Variants in SPHKAP observed in about 807,000 individuals in gnomAD.
SPHKAP encodes the protein A-kinase anchor protein SPHKAP.
In SPHKAP, 67 loss-of-function variants were observed where a neutral mutation model predicts 137.5. The observed-to-expected ratio is 0.49, with a 90% CI of 0.40 to 0.60. SPHKAP has a LOEUF of 0.60. Ranked by LOEUF, SPHKAP falls within the 20% of genes least tolerant of loss-of-function variation. The pLI, the probability that SPHKAP is intolerant of heterozygous loss-of-function variation, is 0.00. For synonymous variants in SPHKAP, 813 were observed against 785.3 expected, an observed-to-expected ratio of 1.04 and a Z score of -0.59; for missense variants, 2,097 against 2,069.3, an observed-to-expected ratio of 1.01 and a Z score of -0.26.
intron 3 of SPHKAP, among the ~76,000 whole-genome samples, chr2:228,036,998 C>T (rs1695640666): frequency 6.6e-6 from 1 of 151,992 alleles, no homozygotes; most frequent in East Asian, 1.9e-4. Context: ...CAAACCTGCA[C>T]ATTGTGCGCA....
At chr2:227,984,315 A>G (rs566695702) in intron 11 of SPHKAP, among the ~76,000 whole-genome samples, 8 of 150,978 alleles carry the variant, frequency 5.3e-5, no homozygotes, top group East Asian at 1.9e-4. Flanking sequence ...AAAAAAAAAA[A>G]AAAGAAAGAA....
chr2:228,163,903 CA>C (rs1700347967), intron 1 of SPHKAP, among the ~76,000 whole-genome samples: 1 of 152,054 alleles, frequency 6.6e-6, no homozygotes, highest in South Asian at 2.1e-4. Context: ...TATTAGCTGT[CA>C]ACTTGATTGG....
At chr2:228,010,685 T>TTCTA (rs998396201) in intron 7 of SPHKAP, among the ~76,000 whole-genome samples, 4 of 152,214 alleles carry the variant, frequency 2.6e-5, no homozygotes, top group Non-Finnish European at 5.9e-5. Context: ...TAATACGTTT[T>TTCTA]TCTATCTAGT....
chr2:227,998,016 T>G (rs545843684), intron 7 of SPHKAP, among the ~76,000 whole-genome samples: 57 of 152,340 alleles, frequency 3.7e-4, no homozygotes, highest in Middle Eastern at 6.8e-3. Context: ...TTTGTTTGTT[T>G]GTTTGTTTGA....
At position 228,019,860 on chromosome 2, in the gene SPHKAP, T is replaced by G; in HGVS notation, c.994A>C (p.Met332Leu). Residue 332 changes from methionine to leucine, a missense_variant, in exon 7 of 12, where the codon ATG (methionine) becomes CTG (leucine). Met to Leu is a conservative substitution (Grantham distance 15). Transcript: ENST00000392056. ...ATATACAGTGCCTGTGATTTTTCCATTTGACCTTTAAAAGCTTCTGAATGA... is the reference window on the plus strand; with the variant it reads ...ATATACAGTGCCTGTGATTTTTCCAGTTGACCTTTAAAAGCTTCTGAATGA... Reference protein sequence around the residue: ...YYHSEAFKGQMEKSQALYIPK... With the variant: ...YYHSEAFKGQLEKSQALYIPK... The G allele has an allele frequency of 1.2e-6, 2 of 1,614,248 alleles. No homozygotes were observed. Among genetic ancestry groups the G allele is most frequent in the Non-Finnish European group, 1.7e-6 (2 of 1,180,040 alleles).
intron 3 of SPHKAP, among the ~76,000 whole-genome samples, chr2:228,106,058 T>A (rs1358570645): frequency 6.6e-6 from 1 of 152,170 alleles, no homozygotes; most frequent in Non-Finnish European, 1.5e-5. Flanking sequence ...CTTCTTATAT[T>A]AACCGTGAAA....
chr2:228,115,001 G>C (rs1314213027), intron 2 of SPHKAP, among the ~76,000 whole-genome samples: 1 of 152,140 alleles, frequency 6.6e-6, no homozygotes, highest in Non-Finnish European at 1.5e-5. Context: ...GGATGGCAAA[G>C]GGCTTGGCCC....
intron 3 of SPHKAP, among the ~76,000 whole-genome samples, chr2:228,053,362 A>G (rs1459850918): frequency 2.0e-5 from 3 of 152,178 alleles, no homozygotes; most frequent in Non-Finnish European, 4.4e-5. Context: ...TAGCATATTA[A>G]TTTCACAGGA....
chr2:228,016,816 C>T lies in SPHKAP; in HGVS notation c.4038G>A (p.Lys1346=), dbSNP rs543649334. 3.7e-6 allele frequency: 6 copies of T among 1,614,072 alleles called. No homozygotes were observed. The highest frequency in any genetic ancestry group is 1.7e-5 in the Admixed American group (1 of 60,018). Residue 1346 remains lysine, a synonymous_variant, in exon 7 of 12, where the codon AAG becomes AAA. Coordinates refer to ENST00000392056, the MANE Select transcript of SPHKAP (RefSeq NM_001142644.2). The part of the protein sequence containing the change: ...VSGGSPSQAE[K]CANRLAASRM... ...TGCTCGCAGCTAATCTATTTGCACA[C>T]TTCTCTGCTTGCGAGGGAGAGCCAC...
intron 3 of SPHKAP, among the ~76,000 whole-genome samples, chr2:228,043,335 C>A (rs35496848): frequency 2.0e-5 from 3 of 151,730 alleles, no homozygotes; most frequent in Non-Finnish European, 2.9e-5. Flanking sequence ...TTTTCGTTTC[C>A]TTTTGTTTTG....
intron 1 of SPHKAP, among the ~76,000 whole-genome samples, chr2:228,170,206 A>C (rs559661010): frequency 6.6e-6 from 1 of 152,272 alleles, no homozygotes; most frequent in East Asian, 1.9e-4. Context: ...TGGATGAGCA[A>C]ATAAATTTTT....
intron 2 of SPHKAP, among the ~76,000 whole-genome samples, chr2:228,119,623 T>C (rs771039556): frequency 2.0e-5 from 3 of 152,100 alleles, no homozygotes; most frequent in African/African-American, 2.4e-5. Flanking sequence ...GGGATATAAA[T>C]ACTTTTCCAT....
intron 1 of SPHKAP, among the ~76,000 whole-genome samples, chr2:228,155,331 A>AATTAAACAG (rs1700077204): frequency 6.6e-6 from 1 of 152,304 alleles, no homozygotes; most frequent in East Asian, 1.9e-4. Flanking sequence ...AAATGGAGAT[A>AATTAAACAG]ATTAAACAGC....
intron 3 of SPHKAP, among the ~76,000 whole-genome samples, chr2:228,077,203 A>C (rs1697214542): frequency 6.6e-6 from 1 of 152,158 alleles, no homozygotes; most frequent in African/African-American, 2.4e-5. Flanking sequence ...CTGCTAGGGC[A>C]GTGTGGAAGA....
chr2:228,012,039 A>C (rs376435409), intron 7 of SPHKAP, among the ~76,000 whole-genome samples: 43 of 151,846 alleles, frequency 2.8e-4, no homozygotes, highest in African/African-American at 9.7e-4. Flanking sequence ...ATGGTGGTGC[A>C]CACCTATAGT....
chr2:228,109,956 CAAAAAAA>C (rs11440513), intron 2 of SPHKAP, among the ~76,000 whole-genome samples: 1 of 56,286 alleles, frequency 1.8e-5, no homozygotes, highest in Non-Finnish European at 3.0e-5. Flanking sequence ...GAAAATGTCT[CAAAAAAA>C]AAAAAAAAAA....
intron 3 of SPHKAP, among the ~76,000 whole-genome samples, chr2:228,091,098 G>A (rs931101841): frequency 3.3e-5 from 5 of 152,088 alleles, no homozygotes; most frequent in South Asian, 2.1e-4. Flanking sequence ...GCTATTATGT[G>A]GTGTGAATAA....
In SPHKAP at chr2:228,177,036, C is replaced by T. The variant is rs137874110; in HGVS notation, c.32+4531G>A. The stretch of plus-strand genomic sequence containing the variant: ...GAGTAGCACTAGCCAAAGGAGACCA[C>T]TTGTAAAACAAAATATATCCTAATC... On this transcript the variant is annotated intron_variant, in intron 1 of 11. Coordinates refer to ENST00000392056, the MANE Select transcript of SPHKAP (RefSeq NM_001142644.2). 3.9e-3 allele frequency among the ~76,000 whole-genome samples: 599 copies of T among 152,164 alleles called. 3 individuals carry two copies. The highest frequency in any genetic ancestry group is 0.013 in the African/African-American group (560 of 41,500).
Position 227,995,469 on chromosome 2 carries a change from G to A in SPHKAP, c.4634+40C>T, listed in dbSNP as rs1330382641. On this transcript the variant is annotated intron_variant, in intron 8 of 11. Transcript: ENST00000392056. ...AAAATGCATTTTTAGAATCTGTGTT[G>A]AGACCAATTTCCCTGGGAATTCAAG... 1.9e-6 allele frequency: 3 copies of A among 1,610,344 alleles called. No homozygotes were observed. In the South Asian group the frequency reaches 3.3e-5, roughly 18 times the overall value.
Sources: gnomAD v4.1 joint callset for allele counts (sites outside exome capture counted in the v4.1 genomes callset) on GRCh38, gnomAD v4.1.1 for gene constraint, MANE v1.5 for transcripts, NCBI Gene and HGNC (gene_info 2026-07-23, HGNC 2026-07-21) for gene names.